The following SLC6A16 variants were observed in gnomAD, a reference collection of about 807,000 sequenced individuals.
SLC6A16 encodes the protein orphan sodium- and chloride-dependent neurotransmitter transporter NTT5.
Under a neutral mutation model 65.4 loss-of-function variants are expected in SLC6A16, and 54 were observed. The observed-to-expected ratio is 0.83, with a 90% CI of 0.66 to 1.04. SLC6A16 has a LOEUF of 1.04. Ranked by LOEUF, SLC6A16 falls within the 50% of genes least tolerant of loss-of-function variation. The pLI is 0.00. For synonymous variants in SLC6A16, 330 were observed against 346.5 expected, an observed-to-expected ratio of 0.95 and a Z score of 0.53; for missense variants, 816 against 914.0, an observed-to-expected ratio of 0.89 and a Z score of 1.38.
the SLC6A16 span, chr19:49,340,082 G>C: frequency 5.9e-6 from 9 of 1,529,026 alleles, no homozygotes; most frequent in African/African-American, 2.7e-5. Flanking sequence ...TCATCAGCCA[G>C]CCCTGCGGCA....
At chr19:49,306,676 G>A (rs1359950244) in intron 7 of SLC6A16, among the ~76,000 whole-genome samples, 1 of 151,636 alleles carries the variant, frequency 6.6e-6, no homozygotes, top group Non-Finnish European at 1.5e-5. Context: ...CTGAGTAGCT[G>A]GGACTACAGG....
chr19:49,301,374 T>A (rs354011), intron 7 of SLC6A16, among the ~76,000 whole-genome samples: 120,489 of 152,146 alleles, frequency 0.79, 48,300 homozygotes, highest in African/African-American at 0.92. Flanking sequence ...TTGCCGAGAC[T>A]TACGGAGATA....
At chr19:49,340,167 CT>C in the SLC6A16 span, 6 of 1,522,374 alleles carry the variant, frequency 3.9e-6, no homozygotes, top group Non-Finnish European at 5.4e-6. Context: ...GGCCCCACCC[CT>C]GACCTTTCTC....
intron 1 of SLC6A16, chr19:49,312,647 G>T: frequency 1.2e-6 from 1 of 860,430 alleles, no homozygotes; most frequent in Non-Finnish European, 1.4e-6. Flanking sequence ...GAGGAAGAGA[G>T]AGGGGAAACT....
the SLC6A16 span, chr19:49,337,356 C>A: frequency 1.1e-6 from 1 of 907,882 alleles, no homozygotes; most frequent in Non-Finnish European, 1.7e-6. Context: ...GAGGCTGGGC[C>A]TGGTGGCTCA....
intron 5 of SLC6A16, 24 bp from the exon 6 acceptor site, chr19:49,309,435 A>G: frequency 6.4e-7 from 1 of 1,560,018 alleles, no homozygotes; most frequent in Non-Finnish European, 8.8e-7. Flanking sequence ...GGGACATATC[A>G]GCAACCGTGT....
the SLC6A16 span, among the ~76,000 whole-genome samples, chr19:49,330,947 A>AC: frequency 7.1e-4 from 86 of 121,820 alleles, no homozygotes; most frequent in African/African-American, 4.3e-3. Flanking sequence ...AAAAAAACAC[A>AC]AAAAAAAAAA....
chr19:49,335,688 C>G, the SLC6A16 span: 1 of 1,613,286 alleles, frequency 6.2e-7, no homozygotes, highest in Non-Finnish European at 8.5e-7. This position sits in a 1 kb window ranked among gnomAD's most constrained non-coding sequence, Gnocchi z 4.6. Flanking sequence ...GTGGCCCACC[C>G]CCGTATCCGC....
intron 7 of SLC6A16, chr19:49,308,662 T>C (rs571639996): frequency 6.7e-6 from 4 of 601,434 alleles, no homozygotes; most frequent in Middle Eastern, 4.3e-4. Flanking sequence ...AGTTTGAAGA[T>C]TTATTTCTAG....
rs1268789887 is a variant in SLC6A16 at position 49,293,977 on chromosome 19, A to T, written c.1468T>A (p.Phe490Ile). 6.2e-7 allele frequency: 1 copy of T among 1,613,754 alleles called. No individual in the cohort carries two copies. Among genetic ancestry groups the T allele is most frequent in the Non-Finnish European group, 8.5e-7 (1 of 1,180,036 alleles). ...GACCAGAAGACAGACGGAGGAAGGA[A>T]GGACATGGCTTCAACAAAGGACAGG... ...AFLSFVEAMS[F>I]LPPSVFWSFI... The change falls in exon 9 of 12, where the codon TTC (phenylalanine) becomes ATC (isoleucine). Residue 490 changes from phenylalanine to isoleucine, a missense_variant. By Grantham distance (21) the Phe-to-Ile change is conservative. Coordinates refer to ENST00000335875, the MANE Select transcript of SLC6A16 (RefSeq NM_014037.3).
the SLC6A16 span, chr19:49,337,893 G>A: frequency 6.2e-7 from 1 of 1,613,236 alleles, no homozygotes; most frequent in East Asian, 2.2e-5. Context: ...GGGCGGGGAA[G>A]ATAAGGCCCA....
the SLC6A16 span, chr19:49,332,009 A>G: frequency 6.7e-6 from 3 of 448,490 alleles, no homozygotes; most frequent in Non-Finnish European, 1.3e-5. Flanking sequence ...GAAATAGCAA[A>G]TTACCACAGA....
chr19:49,301,949 C>T (rs1970299003), intron 7 of SLC6A16, among the ~76,000 whole-genome samples: 1 of 152,226 alleles, frequency 6.6e-6, no homozygotes, highest in African/African-American at 2.4e-5. Flanking sequence ...ACTCCAGCAT[C>T]ACGTTTGCAC....
intron 4 of SLC6A16, 77 bp downstream of exon 4, chr19:49,309,963 C>T: frequency 6.5e-7 from 1 of 1,543,602 alleles, no homozygotes; most frequent in African/African-American, 1.4e-5. Context: ...TCCCTCCCCA[C>T]TCTCTCCTAT....
At chr19:49,340,113 T>C in the SLC6A16 span, 1 of 1,536,176 alleles carries the variant, frequency 6.5e-7, no homozygotes, top group Non-Finnish European at 8.8e-7. Flanking sequence ...AGCCCCGCCC[T>C]TTTCTACCTA....
chr19:49,312,674 G>T, intron 1 of SLC6A16: 1 of 607,180 alleles, frequency 1.6e-6, no homozygotes, highest in Non-Finnish European at 2.1e-6. Context: ...TTCTTTCAGT[G>T]GGGGAAGGAG....
the SLC6A16 span, chr19:49,335,736 G>C: frequency 6.2e-7 from 1 of 1,613,914 alleles, no homozygotes; most frequent in African/African-American, 1.3e-5. The surrounding 1 kb of genome is among the most constrained non-coding windows in gnomAD (Gnocchi z 4.6). Context: ...CTGATCTTCT[G>C]CTTCGGCATC....
At position 49,294,510 on chromosome 19, in the gene SLC6A16, G is replaced by C; in HGVS notation, c.1273C>G (p.Pro425Ala). 1 of 1,613,714 alleles carries C rather than the reference G, an allele frequency of 6.2e-7. No homozygotes were observed. Among genetic ancestry groups the C allele is most frequent in the Middle Eastern group, 1.7e-4 (1 of 6,060 alleles). Residue 425 changes from proline to alanine, a missense_variant, in exon 8 of 12, where the codon CCT becomes GCT. Coordinates refer to ENST00000335875, the MANE Select transcript of SLC6A16 (RefSeq NM_014037.3). ...TTGACAGGGGGCTTGGCATCAGGAG[G>C]CAGTTTCCCTAGGTTTATCAGCTTT... is the stretch of plus-strand genomic sequence containing the variant. ...LLKLINLGKL[P>A]PDAKPPVNLL...
At chr19:49,332,291 T>C in the SLC6A16 span, 1 of 456,722 alleles carries the variant, frequency 2.2e-6, no homozygotes, top group Middle Eastern at 3.3e-4. Context: ...GTGCGGTGGC[T>C]CACGCCTGTA....
Sources: gnomAD v4.1 joint callset for allele counts (sites outside exome capture counted in the v4.1 genomes callset) on GRCh38, gnomAD v4.1.1 for gene constraint, Gnocchi (gnomAD v3.1) non-coding constraint, MANE v1.5 for transcripts, NCBI Gene and HGNC (gene_info 2026-07-23, HGNC 2026-07-21) for gene names.